The following FLT4 variants were observed in gnomAD, a reference collection of about 807,000 sequenced individuals.
FLT4 encodes vascular endothelial growth factor receptor 3.
In FLT4, 30 loss-of-function variants were observed where a neutral mutation model predicts 163.2. The ratio of observed to expected loss-of-function variants is 0.18; its 90% CI spans 0.14 to 0.25. The LOEUF (loss-of-function observed/expected upper bound fraction) is 0.25, where lower values mean the gene tolerates loss of function less well. FLT4 is among the 10% of genes least tolerant of loss of function. The pLI is 1.00. For synonymous variants in FLT4, 884 were observed against 789.5 expected (o/e 1.12, Z -2.01); for missense variants, 1,510 against 1,863.8 (o/e 0.81, Z 3.50).
At chr5:180,628,806 G>T in intron 8 of FLT4, 76 bp downstream of exon 8, 1 of 1,053,390 alleles carries the variant, frequency 9.5e-7, no homozygotes, top group Non-Finnish European at 1.4e-6. Context: ...GACGCTGCCC[G>T]TCTTCCCCTA....
intron 1 of FLT4, among the ~76,000 whole-genome samples, chr5:180,637,223 G>A (rs1251698623): frequency 1.3e-5 from 2 of 151,934 alleles, no homozygotes; most frequent in African/African-American, 2.4e-5. Flanking sequence ...CCAGCTACTC[G>A]GGAGGCTGAG....
At chr5:180,639,973 C>G (rs142871596) in intron 1 of FLT4, among the ~76,000 whole-genome samples, 1 of 152,314 alleles carries the variant, frequency 6.6e-6, no homozygotes, top group South Asian at 2.1e-4. Flanking sequence ...GGGCAGGCAC[C>G]GGGTGGAGGT....
At chr5:180,629,869 C>T in intron 5 of FLT4, 34 bp from the exon 6 acceptor site, 2 of 1,612,614 alleles carry the variant, frequency 1.2e-6, no homozygotes, top group Non-Finnish European at 1.7e-6. Flanking sequence ...CCCACGCCCT[C>T]ACAGGACGAC....
intron 29 of FLT4, among the ~76,000 whole-genome samples, chr5:180,605,700 G>A (rs1487216376): frequency 1.3e-5 from 2 of 152,132 alleles, no homozygotes; most frequent in African/African-American, 2.4e-5. Context: ...GCTCATACAC[G>A]TCCCGTATCA....
At chr5:180,609,690 T>G in intron 28 of FLT4, 1 of 562,080 alleles carries the variant, frequency 1.8e-6, no homozygotes, top group Non-Finnish European at 3.2e-6. Context: ...AGGGGAGGCC[T>G]CGTGTGGGGG....
intron 1 of FLT4, 111 bp downstream of exon 1, chr5:180,649,377 G>C (rs1435937020): frequency 6.0e-6 from 4 of 670,280 alleles, no homozygotes; most frequent in Non-Finnish European, 8.5e-6. Context: ...CAGGGCCACC[G>C]TGTCCCCCGC....
At position 180,619,070 on chromosome 5, in the gene FLT4, T is replaced by C. The variant is rs1424125949; in HGVS notation, c.2801A>G (p.Asn934Ser). 1.3e-5 allele frequency: 21 copies of C among 1,559,290 alleles called. No individual in the cohort carries two copies. Among genetic ancestry groups the C allele is most frequent in the African/African-American group, 2.8e-5 (2 of 71,550 alleles). Residue 934 changes from asparagine (N) to serine (S), a missense_variant, in exon 20 of 30, where the codon AAC becomes AGC. Physicochemically the swap from Asn to Ser is conservative, Grantham distance 46. This residue lies in a region of FLT4 where 878 missense variants were observed against 1,016.7 expected (regional missense o/e 0.86). Coordinates refer to ENST00000261937, the MANE Select transcript of FLT4 (RefSeq NM_182925.5). ...CTTGGCGCGCAGGAAGTTGGAGAGG[T>C]TGCCGTACTTGCAGAACTCCACGAT... Reference protein sequence around the residue: ...MVIVEFCKYGNLSNFLRAKRD... With the variant: ...MVIVEFCKYGSLSNFLRAKRD...
At chr5:180,642,019 C>T (rs142058710) in intron 1 of FLT4, among the ~76,000 whole-genome samples, 2,941 of 152,150 alleles carry the variant, frequency 0.019, 40 homozygotes, top group Non-Finnish European at 0.028. Context: ...CCATCCTGGC[C>T]AACATGGTGA....
intron 1 of FLT4, among the ~76,000 whole-genome samples, chr5:180,632,640 A>C (rs1764275715): frequency 6.6e-6 from 1 of 150,404 alleles, no homozygotes; most frequent in African/African-American, 2.5e-5. Context: ...GTGTGTGCAC[A>C]CGCGTGCCTC....
At chr5:180,645,570 C>A (rs577660910) in intron 1 of FLT4, among the ~76,000 whole-genome samples, 85 of 152,316 alleles carry the variant, frequency 5.6e-4, no homozygotes, top group African/African-American at 2.0e-3. Context: ...GCTGACCTCG[C>A]CGGCCACGTG....
chr5:180,618,983 C>T (rs762542132), intron 20 of FLT4, 38 bp downstream of exon 20: 12 of 1,550,184 alleles, frequency 7.7e-6, no homozygotes, highest in African/African-American at 5.5e-5. Flanking sequence ...GCCTCCATTC[C>T]CCCGCCGCCC....
At chr5:180,616,530 C>T in intron 22 of FLT4, 41 bp from the exon 23 acceptor site, 1 of 1,611,062 alleles carries the variant, frequency 6.2e-7, no homozygotes, top group African/African-American at 1.3e-5. Flanking sequence ...TCAGTGCAGG[C>T]CCCTGGGGTA....
At chr5:180,621,036 C>T (rs1309469131) in intron 14 of FLT4, 29 bp from the exon 15 acceptor site, 2 of 1,611,206 alleles carry the variant, frequency 1.2e-6, no homozygotes, top group Non-Finnish European at 1.7e-6. Flanking sequence ...AGGTGCGGGT[C>T]CACCTGGGTT....
rs761803072 is a variant in FLT4 at position 180,621,663 on chromosome 5, G to A, written c.1899C>T (p.His633=). The change falls in exon 13 of 30, where the codon CAC becomes CAT. Residue 633 remains histidine (H), a synonymous_variant. Transcript: ENST00000261937. The part of the protein sequence containing the change: ...SLEEVAPGAR[H]ATLSLSIPRV... ...GGGGGATACTCAGGCTGAGCGTGGC[G>A]TGGCGCGCCCCAGGTGCCACCTCCT... 3.7e-6 allele frequency: 6 copies of A among 1,609,716 alleles called. No individual in the cohort carries two copies. The highest frequency in any genetic ancestry group is 3.3e-5 in the Admixed American group (2 of 59,906).
Position 180,620,622 on chromosome 5 carries a change from C to A in FLT4, c.2393G>T (p.Cys798Phe). 1 of 1,609,744 alleles carries A rather than the reference C, an allele frequency of 6.2e-7. No homozygotes were observed. The highest frequency in any genetic ancestry group is 8.5e-7 in the Non-Finnish European group (1 of 1,176,662). Residue 798 changes from cysteine (C) to phenylalanine (F), a missense_variant, in exon 16 of 30, where the codon TGT becomes TTT. Coordinates refer to ENST00000261937, the MANE Select transcript of FLT4 (RefSeq NM_182925.5). This position sits in a 1 kb window ranked among gnomAD's most constrained non-coding sequence, Gnocchi z 4.4. ...FFWVLLLLIF[C>F]NMRRPAHADI... ...AGGGACACTCACCCTCCTCATGTTA[C>A]AGAAGATGAGGAGGAGGAGGACCCA...
chr5:180,610,853 C>G (rs528539137), intron 27 of FLT4, among the ~76,000 whole-genome samples: 3 of 152,148 alleles, frequency 2.0e-5, no homozygotes, highest in South Asian at 2.1e-4. Context: ...GTCAGGAGAT[C>G]GAGACCATCC....
intron 29 of FLT4, among the ~76,000 whole-genome samples, chr5:180,605,519 G>C (rs1462759902): frequency 6.6e-6 from 1 of 152,006 alleles, no homozygotes; most frequent in Non-Finnish European, 1.5e-5. Flanking sequence ...GTGCTTTTTT[G>C]GGGGTTCAGG....
At chr5:180,628,364 G>A (rs979109907) in intron 8 of FLT4, among the ~76,000 whole-genome samples, 2 of 152,208 alleles carry the variant, frequency 1.3e-5, no homozygotes, top group Admixed American at 6.5e-5. Context: ...TTGCAGATCG[G>A]GGATCTGCGG....
At position 180,620,184 on chromosome 5, in the gene FLT4, C is replaced by T. The variant is rs369391926; in HGVS notation, c.2531G>A (p.Arg844Gln). The change falls in exon 17 of 30, where the codon CGG becomes CAG. Residue 844 changes from arginine to glutamine, a missense_variant. Physicochemically the swap from Arg to Gln is conservative, Grantham distance 43. Coordinates refer to ENST00000261937, the MANE Select transcript of FLT4 (RefSeq NM_182925.5). The surrounding 1 kb of genome is among the most constrained non-coding windows in gnomAD (Gnocchi z 4.4). ...GGTGCTGGCCTCACCCAGGTGCAGC[C>T]GCTCTCGGGGGAATTCCCACTGGCT... is the stretch of plus-strand genomic sequence containing the variant. ...DASQWEFPRERLHLGRVLGYG... is the reference protein window; with the variant it reads ...DASQWEFPREQLHLGRVLGYG... 2.5e-6 allele frequency: 4 copies of T among 1,607,508 alleles called. No homozygotes were observed. The highest frequency in any genetic ancestry group is 3.4e-6 in the Non-Finnish European group (4 of 1,179,646).
Sources: gnomAD v4.1 joint callset for allele counts (sites outside exome capture counted in the v4.1 genomes callset) on GRCh38, gnomAD v4.1.1 for gene constraint, gnomAD v4.1.1 regional missense constraint, Gnocchi (gnomAD v3.1) non-coding constraint, MANE v1.5 for transcripts, NCBI Gene and HGNC (gene_info 2026-07-23, HGNC 2026-07-21) for gene names.